DPP6: variants seen among roughly 807,000 people sequenced by gnomAD.
The protein encoded by DPP6 is A-type potassium channel modulatory protein DPP6.
In DPP6, 69 loss-of-function variants were observed where a neutral mutation model predicts 122.6. That is an observed-to-expected ratio of 0.56 (90% CI 0.46 to 0.69). The LOEUF (loss-of-function observed/expected upper bound fraction) is 0.69, where lower values mean the gene tolerates loss of function less well. Ranked by LOEUF, DPP6 falls within the 30% of genes least tolerant of loss-of-function variation. DPP6 has a pLI of 0.00. For missense variants in DPP6, 928 were observed against 1,116.9 expected (o/e 0.83, Z 2.41); for synonymous variants, 418 against 433.1 (o/e 0.97, Z 0.43).
intron 8 of DPP6, among the ~76,000 whole-genome samples, chr7:154,761,618 G>A (rs909665696): frequency 6.6e-6 from 1 of 152,232 alleles, no homozygotes; most frequent in Non-Finnish European, 1.5e-5. Flanking sequence ...ACGGCAGAAG[G>A]CCAATGGGGA....
intron 5 of DPP6, among the ~76,000 whole-genome samples, chr7:154,613,131 T>C (rs1365553407): frequency 6.6e-6 from 1 of 152,126 alleles, no homozygotes; most frequent in Non-Finnish European, 1.5e-5. Flanking sequence ...CTAATCCTCA[T>C]TACCTCCTGA....
intron 1 of DPP6, among the ~76,000 whole-genome samples, chr7:154,294,109 A>G (rs375364382): frequency 1.3e-5 from 2 of 152,210 alleles, no homozygotes; most frequent in Non-Finnish European, 2.9e-5. Flanking sequence ...TTCAACGCTC[A>G]TTCCTTTCAC....
At chr7:154,304,547 C>T (rs1239679574) in intron 1 of DPP6, among the ~76,000 whole-genome samples, 1 of 151,880 alleles carries the variant, frequency 6.6e-6, no homozygotes, top group Non-Finnish European at 1.5e-5. Flanking sequence ...TCTGTAAGGT[C>T]ATCACACAGG....
intron 7 of DPP6, among the ~76,000 whole-genome samples, chr7:154,717,166 A>G (rs765622492): frequency 6.6e-6 from 1 of 152,138 alleles, no homozygotes; most frequent in Non-Finnish European, 1.5e-5. Context: ...ACAATGTGTA[A>G]TTATCAAATT....
chr7:154,429,995 C>T (rs1034124361), intron 1 of DPP6, among the ~76,000 whole-genome samples: 1 of 152,162 alleles, frequency 6.6e-6, no homozygotes, highest in African/African-American at 2.4e-5. Flanking sequence ...AGCCTGCCTC[C>T]CACCCTCAAA....
intron 3 of DPP6, among the ~76,000 whole-genome samples, chr7:154,522,407 G>C (rs1220174901): frequency 6.6e-6 from 1 of 152,122 alleles, no homozygotes; most frequent in Non-Finnish European, 1.5e-5. Flanking sequence ...TGAGCCAGAG[G>C]GAGCTCATTA....
chr7:154,717,949 G>A (rs964755989), intron 7 of DPP6, among the ~76,000 whole-genome samples: 8 of 152,144 alleles, frequency 5.3e-5, no homozygotes, highest in African/African-American at 7.2e-5. Flanking sequence ...CCATTCTAAC[G>A]GGGGTGAGAT....
intron 1 of DPP6, among the ~76,000 whole-genome samples, chr7:154,427,709 G>C (rs1818027939): frequency 6.6e-6 from 1 of 152,230 alleles, no homozygotes; most frequent in Non-Finnish European, 1.5e-5. Flanking sequence ...TGAATGCCTA[G>C]TGTCTTCATT....
At chr7:154,866,134 A>G (rs1241632601) in intron 17 of DPP6, among the ~76,000 whole-genome samples, 1 of 152,254 alleles carries the variant, frequency 6.6e-6, no homozygotes, top group East Asian at 1.9e-4. Flanking sequence ...GGAAGATTTC[A>G]AACACAGGGC....
At chr7:154,125,831 A>G (rs546105854) in intron 1 of DPP6, among the ~76,000 whole-genome samples, 3 of 152,312 alleles carry the variant, frequency 2.0e-5, no homozygotes, top group African/African-American at 7.2e-5. Flanking sequence ...TGGCCTCCCT[A>G]GCAGAGCCCT....
intron 1 of DPP6, among the ~76,000 whole-genome samples, chr7:154,426,382 G>A (rs1325253289): frequency 1.3e-5 from 2 of 152,154 alleles, no homozygotes; most frequent in Non-Finnish European, 2.9e-5. Context: ...AACTTATTTG[G>A]TTGAGGACGT....
In DPP6 at chr7:154,755,257, G is replaced by GCCTTATAGA. The variant is rs1843607671; in HGVS notation, c.884-14158_884-14150dup. ...AGGCTGCCTGCCTGTCCGACCCTGG[G>GCCTTATAGA]CCTTATAGACAGTGTCACTTGATAG... On this transcript the variant is annotated intron_variant, in intron 8 of 25. Transcript: ENST00000377770. This position sits in a 1 kb window ranked among gnomAD's most constrained non-coding sequence, Gnocchi z 4.7. Among the ~76,000 whole-genome samples the GCCTTATAGA allele has an allele frequency of 6.6e-6, 1 of 151,948 alleles. No homozygotes were observed. The highest frequency in any genetic ancestry group is 6.5e-5 in the Admixed American group (1 of 15,278).
At chr7:153,971,250 ATAT>A (rs1396088456) in intron 1 of DPP6, among the ~76,000 whole-genome samples, 1 of 151,988 alleles carries the variant, frequency 6.6e-6, no homozygotes, top group African/African-American at 2.4e-5. Flanking sequence ...GTATACAGAA[ATAT>A]TATTTATTTT....
intron 2 of DPP6, among the ~76,000 whole-genome samples, chr7:154,453,175 T>C (rs1464150549): frequency 6.6e-6 from 1 of 152,164 alleles, no homozygotes; most frequent in Non-Finnish European, 1.5e-5. Context: ...CATGAAAACA[T>C]CCCTGACAAT....
chr7:153,886,713 A>C (rs1297228533), upstream of DPP6, among the ~76,000 whole-genome samples: 2 of 152,160 alleles, frequency 1.3e-5, no homozygotes, highest in African/African-American at 4.8e-5. Flanking sequence ...GCAACCATGG[A>C]GACGCGACGT....
chr7:154,336,744 G>A (rs1386259996), intron 1 of DPP6, among the ~76,000 whole-genome samples: 1 of 152,196 alleles, frequency 6.6e-6, no homozygotes, highest in Non-Finnish European at 1.5e-5. Flanking sequence ...GCAACTGGAA[G>A]GGAGTTGGGC....
rs578113277 is a variant in DPP6, at chr7:153,952,819, C to A, written c.51+65085C>A. Reference sequence around the variant, plus strand: ...AGCATTCAGTTATAGCAATTTATAGCAAATGCTTAAAATTGGTATACCCAC... The same window carrying A: ...AGCATTCAGTTATAGCAATTTATAGAAAATGCTTAAAATTGGTATACCCAC... On this transcript the variant is annotated intron_variant, in intron 1 of 25. Transcript: ENST00000404039. 5.3e-5 allele frequency among the ~76,000 whole-genome samples: 8 copies of A among 152,292 alleles called. No individual in the cohort carries two copies. The South Asian group carries it at 1.7e-3, about 32-fold the overall frequency.
Position 154,624,131 on chromosome 7 carries a change from C to T in DPP6, c.628-13690C>T, listed in dbSNP as rs1237077969. The stretch of plus-strand genomic sequence containing the variant: ...GATCATGAGATCAGGAGTTCAAGAC[C>T]AGCCTGGCCAAAATGGTGAAACCCT... On this transcript the variant is annotated intron_variant, in intron 5 of 25. Transcript: ENST00000377770. This position sits in a 1 kb window ranked among gnomAD's most constrained non-coding sequence, Gnocchi z 4.7. 6.6e-6 allele frequency among the ~76,000 whole-genome samples: 1 copy of T among 152,118 alleles called. No individual in the cohort carries two copies. The highest frequency in any genetic ancestry group is 6.5e-5 in the Admixed American group (1 of 15,272).
Position 154,486,248 on chromosome 7 carries a change from T to A in DPP6, c.457+11211T>A, listed in dbSNP as rs1313098362. On this transcript the variant is annotated intron_variant, in intron 3 of 25. Transcript: ENST00000377770. The surrounding 1 kb of genome is among the most constrained non-coding windows in gnomAD (Gnocchi z 4.5). Reference sequence around the variant, plus strand: ...TCCCTGATTCAAGCGATTCTTCCGCTTCAGCCTCCTGAGTAGCTGGGACTA... The same window carrying A: ...TCCCTGATTCAAGCGATTCTTCCGCATCAGCCTCCTGAGTAGCTGGGACTA... 2.0e-5 allele frequency among the ~76,000 whole-genome samples: 3 copies of A among 152,020 alleles called. No individual in the cohort carries two copies. The highest frequency in any genetic ancestry group is 4.4e-5 in the Non-Finnish European group (3 of 67,976).
Sources: gnomAD v4.1 joint callset for allele counts (sites outside exome capture counted in the v4.1 genomes callset) on GRCh38, gnomAD v4.1.1 for gene constraint, Gnocchi (gnomAD v3.1) non-coding constraint, MANE v1.5 for transcripts, NCBI Gene and HGNC (gene_info 2026-07-23, HGNC 2026-07-21) for gene names.